The following ADA variants were observed in gnomAD, a reference collection of about 807,000 sequenced individuals.
ADA encodes adenosine aminohydrolase.
A neutral mutation model predicts 49.0 loss-of-function variants in ADA; 45 were observed. That is an observed-to-expected ratio of 0.92 (90% CI 0.72 to 1.18). ADA has a LOEUF of 1.18. Among genes scored for constraint, ADA ranks in the 50% most tolerant of loss-of-function variants. ADA has a pLI of 0.00. For missense variants in ADA, 445 were observed against 472.5 expected (o/e 0.94, Z 0.54); for synonymous variants, 173 against 184.2 (o/e 0.94, Z 0.49).
intron 10 of ADA, chr20:44,620,704 G>C: frequency 1.8e-6 from 1 of 560,384 alleles, no homozygotes; most frequent in South Asian, 2.0e-5. Context: ...TATTCAGCCT[G>C]GGATTTAAGA....
chr20:44,642,011 A>G (rs748935778), intron 1 of ADA, among the ~76,000 whole-genome samples: 7 of 147,832 alleles, frequency 4.7e-5, no homozygotes, highest in Non-Finnish European at 8.8e-5. Context: ...CAGGTGATCC[A>G]CCCACCTAGG....
rs182482421 is a variant in ADA, at chr20:44,622,753, G to A, written c.780+76C>T. 5.3e-4 allele frequency: 850 copies of A among 1,613,688 alleles called. 4 individuals are homozygous for A. Among genetic ancestry groups the A allele is most frequent in the Middle Eastern group, 2.1e-3 (13 of 6,062 alleles). ...GCCACCCCTCGAGTTCCTGGGACCC[G>A]CCCTGCTTTCTGCCTCTCTATACAG... On this transcript the variant is annotated intron_variant, in intron 8 of 11. Coordinates refer to ENST00000372874, the MANE Select transcript of ADA (RefSeq NM_000022.4).
intron 2 of ADA, among the ~76,000 whole-genome samples, chr20:44,631,947 G>C (rs78373910): frequency 0.033 from 5,089 of 152,138 alleles, 105 homozygotes; most frequent in Non-Finnish European, 0.046. Flanking sequence ...TTCCAAATAC[G>C]GCTCCTCCAT....
At chr20:44,648,443 C>T (rs1016184199) in intron 1 of ADA, among the ~76,000 whole-genome samples, 1 of 152,102 alleles carries the variant, frequency 6.6e-6, no homozygotes, top group Non-Finnish European at 1.5e-5. Flanking sequence ...CCCATTCCCA[C>T]GGGACACTGA....
intron 9 of ADA, 89 bp from the exon 10 acceptor site, chr20:44,621,236 T>A: frequency 6.5e-7 from 1 of 1,536,212 alleles, no homozygotes. Context: ...CCTTTGATCC[T>A]CACAGCAGCC....
In ADA at chr20:44,625,595, A is replaced by G. The variant is rs990121469; in HGVS notation, c.452T>C (p.Ile151Thr). 1.3e-6 allele frequency: 2 copies of G among 1,588,294 alleles called. No individual in the cohort carries two copies. The highest frequency in any genetic ancestry group is 1.7e-6 in the Non-Finnish European group (2 of 1,167,542). The change falls in exon 5 of 12, where the codon ATC becomes ACC. Residue 151 changes from isoleucine (I) to threonine (T), a missense_variant. Physicochemically the swap from Ile to Thr is moderately conservative, Grantham distance 89 (BLOSUM62 -1). Coordinates refer to ENST00000372874, the MANE Select transcript of ADA (RefSeq NM_000022.4). ...GGGCTGGTGGCGCATGCAGCACAGG[A>G]TGGACCGGGCCTTGACCCCGAAGTC... ...ERDFGVKARS[I>T]LCCMRHQPNW...
intron 1 of ADA, among the ~76,000 whole-genome samples, chr20:44,645,616 T>C (rs1045255780): frequency 2.0e-5 from 3 of 152,122 alleles, no homozygotes; most frequent in African/African-American, 7.2e-5. Flanking sequence ...AGTGAGACTC[T>C]GTCTCAAAAG....
intron 10 of ADA, 69 bp from the exon 11 acceptor site, chr20:44,620,470 G>C (rs1772744496): frequency 7.7e-6 from 10 of 1,304,826 alleles, no homozygotes; most frequent in Non-Finnish European, 1.1e-5. Context: ...GCAATGTAGT[G>C]ATAGTCCATC....
At chr20:44,628,921 C>A in intron 3 of ADA, 126 bp downstream of exon 3, 1 of 1,444,856 alleles carries the variant, frequency 6.9e-7, no homozygotes, top group Non-Finnish European at 9.7e-7. Flanking sequence ...TAAGTGTACA[C>A]AATGGTGAGA....
rs1456898528 is a variant in ADA at position 44,619,666 on chromosome 20, C to T, written c.*168G>A. ...GCACATAATCAGAGAAGTGACGCGG[C>T]CATGCCGAGGTATACGTGTGTGCAG... On this transcript the variant is annotated 3_prime_UTR_variant, in exon 12 of 12. Coordinates refer to ENST00000372874, the MANE Select transcript of ADA (RefSeq NM_000022.4). 6 of 855,022 alleles carry T rather than the reference C, an allele frequency of 7.0e-6. No homozygotes were observed. The highest frequency in any genetic ancestry group is 6.0e-5 in the South Asian group (4 of 66,848). The allele number at this position is 855,022 out of a possible 1,614,324, so 53.0% of individuals were successfully genotyped here.
rs957260116 is a variant in ADA at position 44,625,800 on chromosome 20, T to C, written c.363-116A>G. 10 of 810,774 alleles carry C rather than the reference T, an allele frequency of 1.2e-5. No homozygotes were observed. The Middle Eastern group carries it at 8.7e-4, about 71-fold the overall frequency. 50.2% of individuals were successfully genotyped at this position (810,774 alleles called of 1,614,324 possible). Reference sequence around the variant, plus strand: ...TTTGGGGAGGACCCTCCTCCCCCACTGACCCACTGCCTCAGAGGAAAGACT... The same window carrying C: ...TTTGGGGAGGACCCTCCTCCCCCACCGACCCACTGCCTCAGAGGAAAGACT... On this transcript the variant is annotated intron_variant, in intron 4 of 11. Transcript: ENST00000372874.
intron 4 of ADA, 164 bp downstream of exon 4, chr20:44,626,292 C>G: frequency 1.0e-6 from 1 of 959,102 alleles, no homozygotes; most frequent in African/African-American, 1.6e-5. Flanking sequence ...AACCACGTCT[C>G]TTGTGACAGA....
intron 10 of ADA, 84 bp from the exon 11 acceptor site, chr20:44,620,485 T>G: frequency 8.8e-7 from 1 of 1,142,570 alleles, no homozygotes; most frequent in Non-Finnish European, 1.3e-6. Context: ...TCCATCCTCT[T>G]CACTCAACAT....
chr20:44,650,578 C>A (rs1427733271), intron 1 of ADA, among the ~76,000 whole-genome samples: 2 of 151,974 alleles, frequency 1.3e-5, no homozygotes, highest in African/African-American at 4.8e-5. Context: ...CGGGAGTGCA[C>A]CACCACACAC....
rs2065309530 is a variant in ADA, at chr20:44,619,738, T to C, written c.*96A>G. The C allele has an allele frequency of 6.6e-7, 1 of 1,511,142 alleles. No homozygotes were observed. The highest frequency in any genetic ancestry group is 1.4e-5 in the African/African-American group (1 of 72,670). The allele number at this position is 1,511,142 out of a possible 1,614,324, so 93.6% of individuals were successfully genotyped here. A position where few individuals can be genotyped will look rare whatever the true frequency, so the allele number is the denominator to read the frequency against. Reference sequence around the variant, plus strand: ...GAGCATCAGTAACTGACTATTGAGATCATGGTCTTCTTGGAAGGAATAAAT... The same window carrying C: ...GAGCATCAGTAACTGACTATTGAGACCATGGTCTTCTTGGAAGGAATAAAT... On this transcript the variant is annotated 3_prime_UTR_variant, in exon 12 of 12. Coordinates refer to ENST00000372874, the MANE Select transcript of ADA (RefSeq NM_000022.4).
chr20:44,641,708 G>C (rs944199489), intron 1 of ADA, among the ~76,000 whole-genome samples: 1 of 152,006 alleles, frequency 6.6e-6, no homozygotes, highest in Non-Finnish European at 1.5e-5. Context: ...TGGGACTGGT[G>C]GGGGGAGGTC....
At chr20:44,646,283 C>T (rs1247106779) in intron 1 of ADA, among the ~76,000 whole-genome samples, 1 of 150,818 alleles carries the variant, frequency 6.6e-6, no homozygotes, top group Non-Finnish European at 1.5e-5. Context: ...CAAAAGGCTT[C>T]GATGAAACTC....
At position 44,621,239 on chromosome 20, in the gene ADA, C is replaced by T; in HGVS notation, c.846-92G>A. ...GACGTTCACCCGCCTTTGATCCTCA[C>T]AGCAGCCTCAAACAGATCTGAAAGA... On this transcript the variant is annotated intron_variant, in intron 9 of 11. Coordinates refer to ENST00000372874, the MANE Select transcript of ADA (RefSeq NM_000022.4). 2.0e-6 allele frequency: 3 copies of T among 1,514,666 alleles called. No homozygotes were observed. The South Asian group carries it at 3.4e-5, about 17-fold the overall frequency. 93.8% of individuals were successfully genotyped at this position (1,514,666 alleles called of 1,614,324 possible). A position where few individuals can be genotyped will look rare whatever the true frequency, so the allele number is the denominator to read the frequency against.
In ADA at chr20:44,620,263, CAG is replaced by C. The variant is rs764692626; in HGVS notation, c.1078+34_1078+35del. 4.2e-5 allele frequency: 66 copies of C among 1,574,652 alleles called. No homozygotes were observed. In the South Asian group the frequency reaches 7.2e-4, roughly 17 times the overall value. ...ACAGAAAGCCACACTGGGGCCAGGACAGGGCAACTGCCCAGAAGCCCAGACAG... is the reference window on the plus strand; with the variant it reads ...ACAGAAAGCCACACTGGGGCCAGGACGGCAACTGCCCAGAAGCCCAGACAG... On this transcript the variant is annotated intron_variant, in intron 11 of 11. Coordinates refer to ENST00000372874, the MANE Select transcript of ADA (RefSeq NM_000022.4).
Sources: allele counts gnomAD v4.1 joint callset (sites outside exome capture counted in the v4.1 genomes callset), GRCh38; gene constraint gnomAD v4.1.1; transcripts MANE v1.5; gene names NCBI Gene and HGNC (gene_info 2026-07-23, HGNC 2026-07-21).